The following ATP11B variants were observed in gnomAD, a reference collection of about 807,000 sequenced individuals.
ATP11B encodes the protein phospholipid-transporting ATPase IF.
ATP11B carries 81 observed loss-of-function variants against 157.8 expected under a neutral mutation model. That is an observed-to-expected ratio of 0.51 (90% CI 0.43 to 0.62). ATP11B has a LOEUF of 0.62. ATP11B is among the 20% of genes least tolerant of loss of function. The probability of loss-of-function intolerance (pLI) is 0.00; values close to 1 mark genes in which losing one functional copy is unlikely to be tolerated. For synonymous variants in ATP11B, 451 were observed against 469.4 expected, an observed-to-expected ratio of 0.96 and a Z score of 0.51; for missense variants, 1,165 against 1,402.2, an observed-to-expected ratio of 0.83 and a Z score of 2.70.
chr3:182,851,314 T>A (rs1244310902), intron 10 of ATP11B, among the ~76,000 whole-genome samples: 1 of 152,174 alleles, frequency 6.6e-6, no homozygotes. Context: ...AGACTCTTTA[T>A]AAATATTTTT....
chr3:182,869,081 C>T lies in ATP11B; in HGVS notation c.1692C>T (p.Tyr564=), dbSNP rs1721455451. ...TTTCTTACTTTCTTTTGTTTAGGTA[C>T]AAACTGCTTCATATTCTGGAATTTG... ...EVKTLGKLER[Y]KLLHILEFDS... is the part of the protein sequence containing the mutation. Residue 564 remains tyrosine (Y), a synonymous_variant, in exon 16 of 30, where the codon TAC becomes TAT. Coordinates refer to ENST00000323116, the MANE Select transcript of ATP11B (RefSeq NM_014616.3). The T allele has an allele frequency of 1.2e-6, 2 of 1,605,644 alleles. No individual in the cohort carries two copies. The highest frequency in any genetic ancestry group is 2.7e-5 in the African/African-American group (2 of 74,598).
In ATP11B at chr3:182,887,745, C is replaced by T. The variant is rs370110863; in HGVS notation, c.2843+32C>T. ...ATTTTCTGGTATTAAATGGCCTTAT[C>T]AGTTTTTTTAAGTAAAAAATAAGCA... On this transcript the variant is annotated intron_variant, in intron 24 of 29. Transcript: ENST00000323116. 7 of 1,585,896 alleles carry T rather than the reference C, an allele frequency of 4.4e-6. No homozygotes were observed. The African/African-American group carries it at 8.2e-5, about 19-fold the overall frequency.
At chr3:182,860,795 C>A (rs1720771808) in intron 12 of ATP11B, among the ~76,000 whole-genome samples, 1 of 151,786 alleles carries the variant, frequency 6.6e-6, no homozygotes, top group African/African-American at 2.4e-5. Context: ...TTTTGGTATT[C>A]TCTGGATAGT....
At chr3:182,814,676 G>T (rs148109089) in intron 1 of ATP11B, among the ~76,000 whole-genome samples, 120 of 152,162 alleles carry the variant, frequency 7.9e-4, no homozygotes, top group African/African-American at 2.8e-3. Context: ...GGGCATGGTG[G>T]TGTGCATCTG....
intron 1 of ATP11B, among the ~76,000 whole-genome samples, chr3:182,799,672 CAAAAG>C (rs1186523957): frequency 1.3e-5 from 2 of 151,942 alleles, no homozygotes; most frequent in Non-Finnish European, 2.9e-5. Flanking sequence ...TTTTTATTCT[CAAAAG>C]GAAGTAAACG....
In ATP11B at chr3:182,836,053, C is replaced by T. The variant is rs1441413082; in HGVS notation, c.334C>T (p.Arg112Trp). 2.5e-6 allele frequency: 4 copies of T among 1,612,318 alleles called. No homozygotes were observed. Among genetic ancestry groups the T allele is most frequent in the South Asian group, 1.1e-5 (1 of 90,890 alleles). Residue 112 changes from arginine (R) to tryptophan (W), a missense_variant, in exon 5 of 30, where the codon CGG (arginine) becomes TGG (tryptophan). Coordinates refer to ENST00000323116, the MANE Select transcript of ATP11B (RefSeq NM_014616.3). ...AIKQGYEDWL[R>W]HNSDNEVNGA... ...TTTACAGGGATATGAAGATTGGTTACGGCATAACTCAGATAATGAAGTAAA... is the reference window on the plus strand; with the variant it reads ...TTTACAGGGATATGAAGATTGGTTATGGCATAACTCAGATAATGAAGTAAA...
At chr3:182,796,112 A>C (rs1243973616) in intron 1 of ATP11B, among the ~76,000 whole-genome samples, 2 of 152,228 alleles carry the variant, frequency 1.3e-5, no homozygotes, top group African/African-American at 4.8e-5. Context: ...AAATATTTTC[A>C]CTACTTGAGA....
At chr3:182,862,453 T>C (rs1720914445) in intron 12 of ATP11B, among the ~76,000 whole-genome samples, 1 of 152,290 alleles carries the variant, frequency 6.6e-6, no homozygotes, top group East Asian at 1.9e-4. Context: ...GCCTCCCTTC[T>C]GTGTTCAGCT....
chr3:182,857,816 C>G, intron 10 of ATP11B, 62 bp from the exon 11 acceptor site: 1 of 1,077,800 alleles, frequency 9.3e-7, no homozygotes. Flanking sequence ...TACTAATTTT[C>G]AAGCAAATGA....
chr3:182,911,276 C>CCA, intron 28 of ATP11B, among the ~76,000 whole-genome samples: 1 of 123,294 alleles, frequency 8.1e-6, no homozygotes, highest in African/African-American at 3.2e-5. Context: ...GAAATGCCCC[C>CCA]CCCCGCTAAG....
In ATP11B at chr3:182,920,795, T is replaced by G. The variant is rs1262320666; in HGVS notation, c.*2691T>G. The G allele has an allele frequency of 6.6e-6, 1 of 152,262 alleles. No homozygotes were observed. The highest frequency in any genetic ancestry group is 1.5e-5 in the Non-Finnish European group (1 of 68,078). 9.4% of individuals were successfully genotyped at this position (152,262 alleles called of 1,614,324 possible). ...AGGGAGAACTACAGCTACGAAGACC[T>G]GCTGTCGAGTTGAGAAAAGGGGAGA... On this transcript the variant is annotated 3_prime_UTR_variant, in exon 30 of 30. Transcript: ENST00000323116.
chr3:182,888,410 C>T (rs949439316), intron 24 of ATP11B, among the ~76,000 whole-genome samples: 5 of 152,270 alleles, frequency 3.3e-5, no homozygotes, highest in African/African-American at 9.6e-5. Flanking sequence ...ACTCAGATAA[C>T]CTCACTAAAA....
At chr3:182,915,274 C>T (rs73054663) in intron 29 of ATP11B, 112,517 of 984,050 alleles carry the variant, frequency 0.11, 7,807 homozygotes, top group African/African-American at 0.32. Flanking sequence ...TTTCAATCCC[C>T]GTTTATTCTG....
At chr3:182,905,314 G>A (rs1724270442) in intron 28 of ATP11B, among the ~76,000 whole-genome samples, 1 of 152,138 alleles carries the variant, frequency 6.6e-6, no homozygotes, top group Non-Finnish European at 1.5e-5. Context: ...TTAAAAATCT[G>A]TTTCAAATTA....
intron 20 of ATP11B, among the ~76,000 whole-genome samples, chr3:182,880,522 A>G (rs768871445): frequency 7.2e-5 from 11 of 152,170 alleles, no homozygotes; most frequent in African/African-American, 2.4e-4. Context: ...TTTCTTTCAT[A>G]TCAAATGAAA....
intron 1 of ATP11B, 46 bp downstream of exon 1, chr3:182,793,832 G>A (rs1715405552): frequency 4.0e-6 from 5 of 1,235,940 alleles, no homozygotes; most frequent in Middle Eastern, 3.0e-4. Flanking sequence ...CCCCCGCGGG[G>A]CCTCTCGGCC....
At chr3:182,830,121 C>G in intron 4 of ATP11B, 1 of 244,320 alleles carries the variant, frequency 4.1e-6, no homozygotes, top group Non-Finnish European at 6.6e-6. Context: ...TTATAGAGAG[C>G]AGGGTATATA....
At chr3:182,828,491 C>G (rs538258290) in intron 3 of ATP11B, among the ~76,000 whole-genome samples, 1 of 152,090 alleles carries the variant, frequency 6.6e-6, no homozygotes, top group Admixed American at 6.5e-5. Context: ...TAATATCTTT[C>G]AGATATTCTG....
rs940254677 is a variant in ATP11B, at chr3:182,921,029, T to C, written c.*2925T>C. ...ACTGGAAAAGATTGTGAGATTGAAC[T>C]TATCTGATCGCTTGAGACTCCTAAT... is the stretch of plus-strand genomic sequence containing the variant. On this transcript the variant is annotated 3_prime_UTR_variant, in exon 30 of 30. Coordinates refer to ENST00000323116, the MANE Select transcript of ATP11B (RefSeq NM_014616.3). 6.6e-6 allele frequency: 1 copy of C among 152,216 alleles called. No homozygotes were observed. The highest frequency in any genetic ancestry group is 2.4e-5 in the African/African-American group (1 of 41,462). 9.4% of individuals were successfully genotyped at this position (152,216 alleles called of 1,614,324 possible).
Sources: allele counts gnomAD v4.1 joint callset (sites outside exome capture counted in the v4.1 genomes callset), GRCh38; gene constraint gnomAD v4.1.1; transcripts MANE v1.5; gene names NCBI Gene and HGNC (gene_info 2026-07-23, HGNC 2026-07-21).